Variants in FAR2 observed in about 807,000 individuals in gnomAD.
The protein encoded by FAR2 is epididymis secretory protein Li 81.
Under a neutral mutation model 56.0 loss-of-function variants are expected in FAR2, and 19 were observed. The observed-to-expected ratio is 0.34, with a 90% CI of 0.24 to 0.50. The LOEUF is 0.50. FAR2 is among the 20% of genes least tolerant of loss of function. The pLI is 0.98. For missense variants in FAR2, 508 were observed against 642.2 expected (o/e 0.79, Z 2.26); for synonymous variants, 219 against 218.8 (o/e 1.00, Z -0.01).
At chr12:29,302,073 A>ACAAAAAATT (rs1949175993) in intron 4 of FAR2, 1 of 152,074 alleles carries the variant, frequency 6.6e-6, no homozygotes, top group South Asian at 2.1e-4. Flanking sequence ...TACTAAAAAT[A>ACAAAAAATT]CAAAAAATTA....
At chr12:29,296,629 T>C (rs1949076911) in intron 3 of FAR2, among the ~76,000 whole-genome samples, 2 of 152,338 alleles carry the variant, frequency 1.3e-5, no homozygotes, top group South Asian at 2.1e-4. Flanking sequence ...AAAAATGTAC[T>C]GTTGCTCCCC....
intron 4 of FAR2, 107 bp from the exon 5 acceptor site, chr12:29,307,551 A>G: frequency 8.7e-7 from 1 of 1,149,606 alleles, no homozygotes; most frequent in South Asian, 1.5e-5. Flanking sequence ...TCTGAATTCC[A>G]GAACCGAGGC....
intron 10 of FAR2, among the ~76,000 whole-genome samples, chr12:29,328,840 T>C (rs1949688033): frequency 6.6e-6 from 1 of 151,592 alleles, no homozygotes; most frequent in African/African-American, 2.4e-5. Context: ...CATGTATACA[T>C]ATGTAACAAG....
At chr12:29,179,011 C>G (rs754680287) in intron 1 of FAR2, among the ~76,000 whole-genome samples, 12 of 152,060 alleles carry the variant, frequency 7.9e-5, no homozygotes, top group Non-Finnish European at 1.3e-4. Flanking sequence ...GGTAGATGGC[C>G]ATCTTTTTCC....
rs957741596 is a variant in FAR2 at position 29,334,766 on chromosome 12, A to G, written c.*972A>G. 2.0e-5 allele frequency: 3 copies of G among 152,204 alleles called. No individual in the cohort carries two copies. Among genetic ancestry groups the G allele is most frequent in the African/African-American group, 7.2e-5 (3 of 41,456 alleles). 9.4% of individuals were successfully genotyped at this position (152,204 alleles called of 1,614,324 possible). A position where few individuals can be genotyped will look rare whatever the true frequency, so the allele number is the denominator to read the frequency against. On this transcript the variant is annotated 3_prime_UTR_variant, in exon 12 of 12. Transcript: ENST00000536681. ...AAGTGGGGAAGATTACACTTATGTG[A>G]TCACCAAAGGATTTACTAGTATCTT...
At chr12:29,226,177 T>C (rs1404302495) in intron 1 of FAR2, among the ~76,000 whole-genome samples, 1 of 152,234 alleles carries the variant, frequency 6.6e-6, no homozygotes, top group Non-Finnish European at 1.5e-5. Context: ...GTGATTCTTA[T>C]CTATTTTGTT....
intron 2 of FAR2, among the ~76,000 whole-genome samples, chr12:29,284,505 A>C (rs1948838893): frequency 6.6e-6 from 1 of 152,204 alleles, no homozygotes; most frequent in Non-Finnish European, 1.5e-5. Flanking sequence ...GTAAACCCTC[A>C]GTTGCCCCTG....
At chr12:29,332,892 C>T (rs1001305044) in intron 11 of FAR2, 165 bp downstream of exon 11, 11 of 720,272 alleles carry the variant, frequency 1.5e-5, no homozygotes, top group African/African-American at 3.5e-5. Context: ...ATTTAGACTT[C>T]ACCACACCTC....
chr12:29,182,659 A>C (rs561485366), intron 1 of FAR2, among the ~76,000 whole-genome samples: 25 of 152,340 alleles, frequency 1.6e-4, no homozygotes, highest in African/African-American at 5.8e-4. Context: ...TTAAAATGTA[A>C]GTATGTGCCT....
intron 4 of FAR2, among the ~76,000 whole-genome samples, chr12:29,298,982 G>C (rs1949114670): frequency 6.6e-6 from 1 of 152,086 alleles, no homozygotes; most frequent in South Asian, 2.1e-4. Context: ...GGGAGGCCGA[G>C]GTGGGTGGAT....
intron 1 of FAR2, among the ~76,000 whole-genome samples, chr12:29,173,823 A>C (rs1407305334): frequency 6.6e-6 from 1 of 152,230 alleles, no homozygotes; most frequent in East Asian, 1.9e-4. Flanking sequence ...GCACTCACCT[A>C]CGCAGCAGCA....
At chr12:29,227,843 A>G (rs1947793963) in intron 1 of FAR2, among the ~76,000 whole-genome samples, 1 of 151,846 alleles carries the variant, frequency 6.6e-6, no homozygotes, top group Non-Finnish European at 1.5e-5. Context: ...ATACTTACCA[A>G]AAACTGCACA....
chr12:29,218,874 G>A (rs1947653333), intron 1 of FAR2, among the ~76,000 whole-genome samples: 1 of 150,922 alleles, frequency 6.6e-6, no homozygotes, highest in Non-Finnish European at 1.5e-5. Context: ...AACCTTCCGT[G>A]TTAGAATTTT....
At chr12:29,151,052 C>G (rs1433437084) in intron 1 of FAR2, among the ~76,000 whole-genome samples, 1 of 152,210 alleles carries the variant, frequency 6.6e-6, no homozygotes, top group African/African-American at 2.4e-5. Flanking sequence ...ATATGATCAT[C>G]TTGACCATCT....
chr12:29,169,916 G>T (rs1164437604), intron 1 of FAR2, among the ~76,000 whole-genome samples: 1 of 152,096 alleles, frequency 6.6e-6, no homozygotes, highest in Non-Finnish European at 1.5e-5. Context: ...AGCTTTGAGG[G>T]GCACAGATAG....
intron 1 of FAR2, among the ~76,000 whole-genome samples, chr12:29,177,159 G>T (rs964761851): frequency 6.6e-6 from 1 of 152,198 alleles, no homozygotes; most frequent in Non-Finnish European, 1.5e-5. Context: ...AACAGGAAAT[G>T]GAGCCAAATC....
chr12:29,278,321 C>A (rs7295056), intron 2 of FAR2, among the ~76,000 whole-genome samples: 66,168 of 151,696 alleles, frequency 0.44, 14,750 homozygotes, highest in East Asian at 0.55. Flanking sequence ...ACAACAAAGT[C>A]CCTTAGAGGC....
Position 29,311,956 on chromosome 12 carries a change from T to A in FAR2, c.955+6T>A, listed in dbSNP as rs898672357. The A allele has an allele frequency of 1.9e-6, 3 of 1,599,398 alleles. No homozygotes were observed. In the Admixed American group the frequency reaches 5.1e-5, roughly 27 times the overall value. On this transcript the variant is annotated splice_donor_region_variant and intron_variant, in intron 8 of 11. Coordinates refer to ENST00000536681, the MANE Select transcript of FAR2 (RefSeq NM_001271783.2). ...CTGCAATTGGCACAAAATGGGTAAG[T>A]ACTTTAGCTATGTAACTCTATAATT...
intron 10 of FAR2, among the ~76,000 whole-genome samples, chr12:29,332,317 C>T (rs1307238093): frequency 1.3e-5 from 2 of 152,152 alleles, no homozygotes; most frequent in Admixed American, 1.3e-4. Context: ...CCAAGCCAAC[C>T]ATAAGTTTTC....
Sources: allele counts gnomAD v4.1 joint callset (sites outside exome capture counted in the v4.1 genomes callset), GRCh38; gene constraint gnomAD v4.1.1; transcripts MANE v1.5; gene names NCBI Gene and HGNC (gene_info 2026-07-23, HGNC 2026-07-21).